Variants in NCAM2 observed in about 807,000 individuals in gnomAD.
NCAM2 encodes N-CAM-2.
NCAM2 carries 30 observed loss-of-function variants against 98.1 expected under a neutral mutation model. The ratio of observed to expected loss-of-function variants is 0.31; its 90% CI spans 0.23 to 0.41. The LOEUF (loss-of-function observed/expected upper bound fraction) is 0.41. NCAM2 is among the 10% of genes least tolerant of loss of function. NCAM2 has a pLI of 1.00. For missense variants in NCAM2, 867 were observed against 1,005.8 expected (o/e 0.86, Z 1.87); for synonymous variants, 368 against 342.4 (o/e 1.07, Z -0.83).
In NCAM2 at chr21:21,146,160, A is replaced by T. The variant is rs1373714413; in HGVS notation, c.56-134418A>T. On this transcript the variant is annotated intron_variant, in intron 1 of 17. Coordinates refer to ENST00000400546, the MANE Select transcript of NCAM2 (RefSeq NM_004540.5). ...GTAAGATTTTAGAATATGTGATTAT[A>T]TAAAATACTTATAATATTGGTTACT... 9.2e-5 allele frequency among the ~76,000 whole-genome samples: 14 copies of T among 152,320 alleles called. No individual in the cohort carries two copies. In the South Asian group the frequency reaches 2.7e-3, roughly 29 times the overall value.
intron 12 of NCAM2, among the ~76,000 whole-genome samples, chr21:21,464,789 T>G (rs1983461256): frequency 6.6e-6 from 1 of 152,150 alleles, no homozygotes; most frequent in Non-Finnish European, 1.5e-5. Context: ...TTTCTGGGGC[T>G]TAAATTATAT....
chr21:21,095,001 A>G lies in NCAM2; in HGVS notation c.55+96383A>G, dbSNP rs149625827. Reference sequence around the variant, plus strand: ...TGGAGTTAATTAGTTAGCTTTCTCTATATATAGATTAGTTAATAGTTGATT... The same window carrying G: ...TGGAGTTAATTAGTTAGCTTTCTCTGTATATAGATTAGTTAATAGTTGATT... On this transcript the variant is annotated intron_variant, in intron 1 of 17. Transcript: ENST00000400546. Among the ~76,000 whole-genome samples the G allele has an allele frequency of 7.5e-4, 114 of 151,850 alleles. 2 individuals are homozygous for G. In the East Asian group the frequency reaches 0.018, roughly 23 times the overall value.
chr21:21,112,199 T>A (rs1201040997), intron 1 of NCAM2, among the ~76,000 whole-genome samples: 3 of 152,194 alleles, frequency 2.0e-5, no homozygotes, highest in African/African-American at 7.2e-5. Context: ...CTATAGTGAT[T>A]CATTGTGTTT....
At position 21,410,262 on chromosome 21, in the gene NCAM2, A is replaced by G. The variant is rs149236676; in HGVS notation, c.1196-12A>G. 25 of 1,374,080 alleles carry G rather than the reference A, an allele frequency of 1.8e-5. No individual in the cohort carries two copies. The African/African-American group carries it at 2.4e-4, about 13-fold the overall frequency. The allele number at this position is 1,374,080 out of a possible 1,614,324, so 85.1% of individuals were successfully genotyped here. ...AAAATGCCTATAATTATTTTATTATATTGTATTACAGATGCCCCCAAGTTT... is the reference window on the plus strand; with the variant it reads ...AAAATGCCTATAATTATTTTATTATGTTGTATTACAGATGCCCCCAAGTTT... On this transcript the variant is annotated splice_polypyrimidine_tract_variant and intron_variant, in intron 9 of 17. Coordinates refer to ENST00000400546, the MANE Select transcript of NCAM2 (RefSeq NM_004540.5).
At chr21:21,470,891 G>A (rs1475023052) in intron 14 of NCAM2, among the ~76,000 whole-genome samples, 5 of 151,988 alleles carry the variant, frequency 3.3e-5, no homozygotes, top group African/African-American at 9.7e-5. Context: ...GGCAAATTTT[G>A]CAAAGGGAAT....
rs1025655734 is a variant in NCAM2 at position 21,542,327 on chromosome 21, A to T, written c.*4370A>T. On this transcript the variant is annotated 3_prime_UTR_variant, in exon 18 of 18. Transcript: ENST00000400546. ...CTCATATAAAGGCAAAGAATTTTAT[A>T]TTATATATAATGCTAAATATTTATT... is the stretch of plus-strand genomic sequence containing the variant. The T allele has an allele frequency of 6.6e-6, 1 of 151,524 alleles. No homozygotes were observed. The highest frequency in any genetic ancestry group is 1.5e-5 in the Non-Finnish European group (1 of 67,740). The allele number at this position is 151,524 out of a possible 1,614,324, so 9.4% of individuals were successfully genotyped here. A position where few individuals can be genotyped will look rare whatever the true frequency, so the allele number is the denominator to read the frequency against.
chr21:21,431,123 T>TTGTGTGTGTGTGTG (rs3037969), intron 11 of NCAM2, among the ~76,000 whole-genome samples: 152 of 141,234 alleles, frequency 1.1e-3, no homozygotes, highest in Middle Eastern at 3.7e-3. Context: ...TAATATATGT[T>TTGTGTGTGTGTGTG]TGTGTGTGTG....
intron 1 of NCAM2, among the ~76,000 whole-genome samples, chr21:21,081,717 C>G (rs1481024643): frequency 6.6e-6 from 1 of 151,798 alleles, no homozygotes; most frequent in Non-Finnish European, 1.5e-5. Context: ...AGGAGAATTG[C>G]TTGAACCCAG....
chr21:21,004,758 C>T (rs1367713537), intron 1 of NCAM2, among the ~76,000 whole-genome samples: 1 of 152,020 alleles, frequency 6.6e-6, no homozygotes, highest in Non-Finnish European at 1.5e-5. Flanking sequence ...CCTCTATTAG[C>T]TTGTTATTAT....
At chr21:21,441,864 AAGG>A (rs1281186143) in intron 12 of NCAM2, among the ~76,000 whole-genome samples, 1 of 152,134 alleles carries the variant, frequency 6.6e-6, no homozygotes, top group East Asian at 1.9e-4. Flanking sequence ...CAGATGGCGT[AAGG>A]AGATGAAATC....
intron 2 of NCAM2, among the ~76,000 whole-genome samples, chr21:21,282,027 A>G (rs2147503896): frequency 6.6e-6 from 1 of 152,022 alleles, no homozygotes; most frequent in South Asian, 2.1e-4. Flanking sequence ...TAGTTATGTT[A>G]ATACAAGTAT....
At chr21:21,277,218 C>A (rs148348788) in intron 1 of NCAM2, among the ~76,000 whole-genome samples, 1 of 151,990 alleles carries the variant, frequency 6.6e-6, no homozygotes, top group African/African-American at 2.4e-5. Context: ...ATAAGCTCTT[C>A]GTAAGTGTCA....
At chr21:21,253,512 G>T (rs2071547279) in intron 1 of NCAM2, among the ~76,000 whole-genome samples, 1 of 152,050 alleles carries the variant, frequency 6.6e-6, no homozygotes, top group African/African-American at 2.4e-5. Flanking sequence ...TCCACAATGC[G>T]AGGACACAGC....
chr21:21,411,042 ATATATGTGTG>A (rs1209704937), intron 10 of NCAM2, among the ~76,000 whole-genome samples: 1 of 63,890 alleles, frequency 1.6e-5, no homozygotes, highest in Non-Finnish European at 3.0e-5. Context: ...ACACACATAT[ATATATGTGTG>A]TGTATATATA....
chr21:21,373,651 AG>A (rs777637814), intron 8 of NCAM2, among the ~76,000 whole-genome samples: 11 of 151,816 alleles, frequency 7.2e-5, no homozygotes, highest in Non-Finnish European at 1.6e-4. Context: ...GCCAGGGTAC[AG>A]GAAACCTTCA....
At chr21:21,085,195 G>T (rs1425588850) in intron 1 of NCAM2, among the ~76,000 whole-genome samples, 1 of 128,766 alleles carries the variant, frequency 7.8e-6, no homozygotes, top group Non-Finnish European at 1.6e-5. Flanking sequence ...TTTGTGTCTA[G>T]TTGGGGTTTT....
At chr21:21,054,287 C>T (rs189202563) in intron 1 of NCAM2, among the ~76,000 whole-genome samples, 152 of 152,070 alleles carry the variant, frequency 1.0e-3, no homozygotes, top group African/African-American at 3.6e-3. Context: ...TGTCACCACA[C>T]AGTACAGTAT....
At chr21:21,194,899 C>T (rs2068951831) in intron 1 of NCAM2, among the ~76,000 whole-genome samples, 1 of 152,176 alleles carries the variant, frequency 6.6e-6, no homozygotes, top group South Asian at 2.1e-4. Context: ...CTTTGACCAA[C>T]ATTTCCCCAT....
At chr21:21,428,926 A>G (rs1415046252) in intron 11 of NCAM2, among the ~76,000 whole-genome samples, 3 of 152,194 alleles carry the variant, frequency 2.0e-5, no homozygotes, top group Non-Finnish European at 4.4e-5. Flanking sequence ...TGTTACATGT[A>G]TCTATCTGTA....
Sources: gnomAD v4.1 joint callset for allele counts (sites outside exome capture counted in the v4.1 genomes callset) on GRCh38, gnomAD v4.1.1 for gene constraint, MANE v1.5 for transcripts, NCBI Gene and HGNC (gene_info 2026-07-23, HGNC 2026-07-21) for gene names.